SORBS2: variants seen among roughly 807,000 people sequenced by gnomAD.
SORBS2 encodes the protein sorbin and SH3 domain containing 2.
In SORBS2, 46 loss-of-function variants were observed where a neutral mutation model predicts 97.7. The observed-to-expected ratio is 0.47, with a 90% CI of 0.37 to 0.60. SORBS2 has a LOEUF of 0.60. SORBS2 is among the 20% of genes least tolerant of loss of function. The pLI is 0.00. For missense variants in SORBS2, 1,316 were observed against 1,282.3 expected, an observed-to-expected ratio of 1.03 and a Z score of -0.40; for synonymous variants, 476 against 473.4, an observed-to-expected ratio of 1.01 and a Z score of -0.07.
chr4:185,783,278 C>A (rs1333238410), intron 1 of SORBS2, among the ~76,000 whole-genome samples: 1 of 152,198 alleles, frequency 6.6e-6, no homozygotes, highest in African/African-American at 2.4e-5. Flanking sequence ...CCCTCAGAGA[C>A]TGGACATAGG....
intron 2 of SORBS2, among the ~76,000 whole-genome samples, chr4:185,748,260 G>A (rs1370300055): frequency 6.6e-6 from 1 of 152,116 alleles, no homozygotes. Context: ...TGCAGCTCAG[G>A]GCCTCGGCGT....
chr4:185,769,100 C>T (rs1384419972), intron 2 of SORBS2, among the ~76,000 whole-genome samples: 1 of 65,936 alleles, frequency 1.5e-5, no homozygotes, highest in African/African-American at 8.2e-5. Context: ...AAAAGTCAAC[C>T]CTTAGCATGA....
At chr4:185,637,777 TATACAGC>T (rs2097046352) in intron 4 of SORBS2, among the ~76,000 whole-genome samples, 1 of 152,106 alleles carries the variant, frequency 6.6e-6, no homozygotes, top group Non-Finnish European at 1.5e-5. Context: ...ACAAATCTTC[TATACAGC>T]TGTAATAATT....
Position 185,618,041 on chromosome 4 carries a change from C to T in SORBS2, c.2351+544G>A, listed in dbSNP as rs148200494. Among the ~76,000 whole-genome samples, 684 of 152,276 alleles carry T rather than the reference C, an allele frequency of 4.5e-3. 4 individuals are homozygous for T. The highest frequency in any genetic ancestry group is 0.013 in the African/African-American group (549 of 41,558). On this transcript the variant is annotated intron_variant, in intron 9 of 14. Coordinates refer to ENST00000418609, the Ensembl canonical transcript of SORBS2. Reference sequence around the variant, plus strand: ...CCAGGCTAGAGTGCAGTGGCGCAACCTCAGCTTATGGCAGCGTCTACCTCC... The same window carrying T: ...CCAGGCTAGAGTGCAGTGGCGCAACTTCAGCTTATGGCAGCGTCTACCTCC...
At position 185,924,588 on chromosome 4, in the gene SORBS2, C is replaced by G. The variant is rs565052956; in HGVS notation, c.-338+31608G>C. Among the ~76,000 whole-genome samples, 7 of 152,308 alleles carry G rather than the reference C, an allele frequency of 4.6e-5. No individual in the cohort carries two copies. In the East Asian group the frequency reaches 1.4e-3, roughly 29 times the overall value. ...GCAACATGGCTGCCCCACATAACCCCACGTGTGTAGAACATCATGGCGCCC... is the reference window on the plus strand; with the variant it reads ...GCAACATGGCTGCCCCACATAACCCGACGTGTGTAGAACATCATGGCGCCC... On this transcript the variant is annotated intron_variant, in intron 1 of 20. Coordinates refer to the SORBS2 transcript ENST00000284776.
chr4:185,923,152 C>G (rs1320109890), intron 1 of SORBS2, among the ~76,000 whole-genome samples: 1 of 152,212 alleles, frequency 6.6e-6, no homozygotes. Context: ...TGAGCAGACA[C>G]TCCACAAAGG....
chr4:185,919,927 G>A (rs377630127), intron 1 of SORBS2, among the ~76,000 whole-genome samples: 63 of 152,274 alleles, frequency 4.1e-4, no homozygotes, highest in Middle Eastern at 3.4e-3. Flanking sequence ...AAAATCTACC[G>A]CTGTTCTGAA....
At chr4:185,741,527 C>T (rs748240678) in intron 2 of SORBS2, among the ~76,000 whole-genome samples, 37 of 151,066 alleles carry the variant, frequency 2.4e-4, no homozygotes, top group Admixed American at 1.3e-3. Flanking sequence ...CCTCAGTCAC[C>T]GGAGCTAATT....
chr4:185,717,531 A>G (rs2098476011), intron 2 of SORBS2, among the ~76,000 whole-genome samples: 1 of 152,214 alleles, frequency 6.6e-6, no homozygotes. Flanking sequence ...AGACGGTATT[A>G]CACATAGGCA....
At chr4:185,774,397 T>C (rs1426825740) in intron 2 of SORBS2, 1 of 152,170 alleles carries the variant, frequency 6.6e-6, no homozygotes, top group Non-Finnish European at 1.5e-5. Context: ...AAGGAAATGC[T>C]ATGAAAGCAT....
intron 1 of SORBS2, among the ~76,000 whole-genome samples, chr4:185,857,013 G>C (rs1579208554): frequency 6.6e-6 from 1 of 152,184 alleles, no homozygotes; most frequent in African/African-American, 2.4e-5. Flanking sequence ...TCAACACATA[G>C]GGATTATAAT....
At chr4:185,780,441 C>A (rs935928677) in intron 1 of SORBS2, among the ~76,000 whole-genome samples, 1 of 152,208 alleles carries the variant, frequency 6.6e-6, no homozygotes, top group Non-Finnish European at 1.5e-5. Flanking sequence ...TCTACAGGAA[C>A]CTCACCCATG....
chr4:185,868,313 T>C lies in SORBS2; in HGVS notation c.-338+87883A>G, dbSNP rs750399123. ...CTGGGATTACAGGCGTGTGCCACCATGCCCAGCTAATTTTTTGTATTTTCA... is the reference window on the plus strand; with the variant it reads ...CTGGGATTACAGGCGTGTGCCACCACGCCCAGCTAATTTTTTGTATTTTCA... On this transcript the variant is annotated intron_variant, in intron 1 of 20. Coordinates refer to the SORBS2 transcript ENST00000284776. Among the ~76,000 whole-genome samples the C allele has an allele frequency of 3.5e-4, 53 of 151,808 alleles. 1 individual carries two copies. Among genetic ancestry groups the C allele is most frequent in the East Asian group, 1.4e-3 (7 of 5,120 alleles).
At chr4:185,912,675 A>G (rs2099255982) in intron 1 of SORBS2, among the ~76,000 whole-genome samples, 1 of 152,078 alleles carries the variant, frequency 6.6e-6, no homozygotes, top group Non-Finnish European at 1.5e-5. Flanking sequence ...AGCTGTCACT[A>G]AACAAAAAAT....
chr4:185,820,364 T>C (rs1171725738), intron 1 of SORBS2, among the ~76,000 whole-genome samples: 1 of 152,184 alleles, frequency 6.6e-6, no homozygotes, highest in East Asian at 1.9e-4. Flanking sequence ...GCTGATGTCC[T>C]CCCCTCCCCT....
chr4:185,928,174 A>G (rs1457869408), intron 1 of SORBS2, among the ~76,000 whole-genome samples: 1 of 152,138 alleles, frequency 6.6e-6, no homozygotes, highest in Admixed American at 6.5e-5. Flanking sequence ...GGGGGACCAA[A>G]GTGGAAGGAT....
At chr4:185,723,144 A>AT (rs1229157702) in intron 2 of SORBS2, among the ~76,000 whole-genome samples, 2 of 152,296 alleles carry the variant, frequency 1.3e-5, no homozygotes, top group African/African-American at 2.4e-5. Context: ...ACCATTAAAA[A>AT]AAAATAAAAT....
At chr4:185,817,978 CCAA>C (rs757380169) in intron 1 of SORBS2, among the ~76,000 whole-genome samples, 4 of 152,054 alleles carry the variant, frequency 2.6e-5, no homozygotes, top group Admixed American at 6.6e-5. Context: ...ATCCAACGGT[CCAA>C]CAACAAGTGG....
chr4:185,682,646 T>A (rs1030546743), intron 2 of SORBS2, among the ~76,000 whole-genome samples: 14 of 152,232 alleles, frequency 9.2e-5, no homozygotes, highest in African/African-American at 3.4e-4. Context: ...TAAGTTCTTA[T>A]GAAAGCTACA....
Sources: allele counts gnomAD v4.1 joint callset (sites outside exome capture counted in the v4.1 genomes callset), GRCh38; gene constraint gnomAD v4.1.1; transcripts MANE v1.5; gene names NCBI Gene and HGNC (gene_info 2026-07-23, HGNC 2026-07-21).